The following VTI1A variants were observed in gnomAD, a reference collection of about 807,000 sequenced individuals.
VTI1A encodes the protein vesicle transport through interaction with t-SNAREs homolog 1A.
A neutral mutation model predicts 34.9 loss-of-function variants in VTI1A; 22 were observed. The observed-to-expected ratio is 0.63, with a 90% CI of 0.45 to 0.90. The LOEUF is 0.90. Ranked by LOEUF, VTI1A falls within the 40% of genes least tolerant of loss-of-function variation. VTI1A has a pLI of 0.00. For missense variants in VTI1A, 268 were observed against 275.6 expected (o/e 0.97, Z 0.20); for synonymous variants, 87 against 97.3 (o/e 0.89, Z 0.62).
intron 1 of VTI1A, among the ~76,000 whole-genome samples, chr10:112,448,013 C>T (rs1847002712): frequency 6.6e-6 from 1 of 152,012 alleles, no homozygotes. Context: ...CCAGCCTAGG[C>T]AACAAGAGTG....
intron 4 of VTI1A, among the ~76,000 whole-genome samples, chr10:112,534,787 C>A (rs756504501): frequency 6.6e-6 from 1 of 152,032 alleles, no homozygotes; most frequent in Non-Finnish European, 1.5e-5. Context: ...TGAGGGATAA[C>A]ATAAATATTA....
At chr10:112,678,818 G>C (rs1848118116) in intron 7 of VTI1A, among the ~76,000 whole-genome samples, 1 of 152,136 alleles carries the variant, frequency 6.6e-6, no homozygotes, top group Non-Finnish European at 1.5e-5. Flanking sequence ...CAGTTAGGGA[G>C]ACAAGGCAAG....
chr10:112,497,155 T>C (rs1849056461), intron 3 of VTI1A, among the ~76,000 whole-genome samples: 1 of 151,876 alleles, frequency 6.6e-6, no homozygotes, highest in Non-Finnish European at 1.5e-5. Context: ...TCATGTTTAA[T>C]AAAATTACAA....
intron 7 of VTI1A, among the ~76,000 whole-genome samples, chr10:112,778,051 G>A (rs1017785440): frequency 1.3e-5 from 2 of 152,010 alleles, no homozygotes; most frequent in Admixed American, 6.6e-5. Flanking sequence ...GCAGTGAGCC[G>A]AGATCGTGCC....
chr10:112,755,088 A>G (rs908746462), intron 7 of VTI1A, among the ~76,000 whole-genome samples: 1 of 151,948 alleles, frequency 6.6e-6, no homozygotes, highest in Non-Finnish European at 1.5e-5. Flanking sequence ...AACCCTGTCT[A>G]TACTAAAAGT....
At chr10:112,814,435 A>T (rs1465155934) in intron 7 of VTI1A, among the ~76,000 whole-genome samples, 3 of 152,178 alleles carry the variant, frequency 2.0e-5, no homozygotes, top group South Asian at 4.2e-4. Flanking sequence ...TGAAACTCTC[A>T]ACAAAGCATT....
the VTI1A span, among the ~76,000 whole-genome samples, chr10:112,842,013 G>A: frequency 3.4e-5 from 5 of 144,986 alleles, no homozygotes; most frequent in South Asian, 1.1e-3. Flanking sequence ...CCAACAATTG[G>A]ATACAGAAAC....
At chr10:112,837,382 G>A in the VTI1A span, among the ~76,000 whole-genome samples, 2 of 152,150 alleles carry the variant, frequency 1.3e-5, no homozygotes, top group South Asian at 2.1e-4. Flanking sequence ...GGTGGTTAAG[G>A]ATGTCACAGT....
intron 7 of VTI1A, among the ~76,000 whole-genome samples, chr10:112,694,004 C>G (rs567227240): frequency 1.3e-5 from 2 of 152,060 alleles, no homozygotes; most frequent in Non-Finnish European, 2.9e-5. Flanking sequence ...GTCAGGAGTT[C>G]GAGACCAGCC....
chr10:112,469,549 T>C (rs904959038), intron 3 of VTI1A, among the ~76,000 whole-genome samples: 48 of 152,340 alleles, frequency 3.2e-4, no homozygotes, highest in African/African-American at 1.2e-3. Flanking sequence ...AGATTGGTCC[T>C]TTCAGAGTTT....
intron 3 of VTI1A, among the ~76,000 whole-genome samples, chr10:112,501,635 T>G (rs1460861095): frequency 3.9e-5 from 6 of 151,980 alleles, no homozygotes; most frequent in Non-Finnish European, 8.8e-5. Context: ...TAAAAACCTT[T>G]TTGCTACTCC....
At chr10:112,745,098 A>C (rs1233664339) in intron 7 of VTI1A, among the ~76,000 whole-genome samples, 1 of 152,214 alleles carries the variant, frequency 6.6e-6, no homozygotes, top group African/African-American at 2.4e-5. Flanking sequence ...ACACATATGT[A>C]ATACTTTTTT....
chr10:112,593,615 C>T (rs899631305), intron 5 of VTI1A, among the ~76,000 whole-genome samples: 4 of 152,188 alleles, frequency 2.6e-5, no homozygotes, highest in African/African-American at 9.7e-5. Context: ...AAAAATTACT[C>T]ATAATCCCAT....
At position 112,783,936 on chromosome 10, in the gene VTI1A, C is replaced by G. The variant is rs537455654; in HGVS notation, c.561-31354C>G. Among the ~76,000 whole-genome samples, 17 of 152,242 alleles carry G rather than the reference C, an allele frequency of 1.1e-4. 2 individuals carry two copies. The highest frequency in any genetic ancestry group is 3.9e-4 in the African/African-American group (16 of 41,538). On this transcript the variant is annotated intron_variant, in intron 7 of 7. Transcript: ENST00000393077. ...CAAGCAAGAAGGACAGCCGAAGGGCCGCCTTCTCCCGAGAACTGTCATCTG... is the reference window on the plus strand; with the variant it reads ...CAAGCAAGAAGGACAGCCGAAGGGCGGCCTTCTCCCGAGAACTGTCATCTG...
chr10:112,564,688 A>G (rs775144900), intron 5 of VTI1A, among the ~76,000 whole-genome samples: 14 of 152,130 alleles, frequency 9.2e-5, no homozygotes, highest in Non-Finnish European at 1.5e-4. Context: ...ACTCTGCATG[A>G]GGAGAGAAAA....
chr10:112,657,492 T>C (rs1332318814), intron 5 of VTI1A, among the ~76,000 whole-genome samples: 1 of 152,162 alleles, frequency 6.6e-6, no homozygotes, highest in African/African-American at 2.4e-5. Context: ...TTTTTTAATA[T>C]AAGAGGTATA....
At chr10:112,698,733 A>G (rs918846660) in intron 7 of VTI1A, among the ~76,000 whole-genome samples, 1 of 152,210 alleles carries the variant, frequency 6.6e-6, no homozygotes, top group Non-Finnish European at 1.5e-5. Flanking sequence ...TTGTTCACAT[A>G]TGCTGGAACA....
At chr10:112,746,490 G>A (rs553798483) in intron 7 of VTI1A, among the ~76,000 whole-genome samples, 9 of 152,136 alleles carry the variant, frequency 5.9e-5, no homozygotes, top group Non-Finnish European at 1.3e-4. Flanking sequence ...GGCGGAACTC[G>A]CTCTCACAGA....
intron 7 of VTI1A, among the ~76,000 whole-genome samples, chr10:112,741,762 G>C (rs544959447): frequency 1.2e-4 from 19 of 152,026 alleles, no homozygotes; most frequent in Non-Finnish European, 2.5e-4. Flanking sequence ...TAGAAAAAAG[G>C]GGGAAATGCT....
Sources: gnomAD v4.1 joint callset for allele counts (sites outside exome capture counted in the v4.1 genomes callset) on GRCh38, gnomAD v4.1.1 for gene constraint, MANE v1.5 for transcripts, NCBI Gene and HGNC (gene_info 2026-07-23, HGNC 2026-07-21) for gene names.